The following CDH12 variants were observed in gnomAD, a reference collection of about 807,000 sequenced individuals.
CDH12 encodes the protein cadherin 12, also known as cadherin-12.
In CDH12, 41 loss-of-function variants were observed where a neutral mutation model predicts 74.1. The ratio of observed to expected loss-of-function variants is 0.55; its 90% CI spans 0.43 to 0.72. The LOEUF (loss-of-function observed/expected upper bound fraction) is 0.72, where lower values mean the gene tolerates loss of function less well. Among genes scored for constraint, CDH12 ranks in the 30% least tolerant of loss-of-function variants. The probability of loss-of-function intolerance (pLI) is 0.00; values close to 1 mark genes in which losing one functional copy is unlikely to be tolerated. For synonymous variants in CDH12, 399 were observed against 355.0 expected, an observed-to-expected ratio of 1.12 and a Z score of -1.39; for missense variants, 945 against 977.2, an observed-to-expected ratio of 0.97 and a Z score of 0.44.
At chr5:22,171,241 G>A (rs1440938305) in intron 4 of CDH12, among the ~76,000 whole-genome samples, 3 of 151,704 alleles carry the variant, frequency 2.0e-5, no homozygotes, top group African/African-American at 4.8e-5. Context: ...TATCACTAAC[G>A]CTGAGATAAC....
intron 2 of CDH12, among the ~76,000 whole-genome samples, chr5:22,423,267 G>A (rs1379434047): frequency 6.6e-6 from 1 of 150,648 alleles, no homozygotes; most frequent in Non-Finnish European, 1.5e-5. Flanking sequence ...CTTTTATTTG[G>A]GCCCCCTTAA....
At chr5:22,325,997 T>C (rs919907598) in intron 3 of CDH12, among the ~76,000 whole-genome samples, 33 of 152,250 alleles carry the variant, frequency 2.2e-4, no homozygotes, top group Non-Finnish European at 3.5e-4. Context: ...GAAAAAGTCA[T>C]AGTGCATTTG....
At chr5:22,629,232 C>G (rs912897648) in intron 1 of CDH12, among the ~76,000 whole-genome samples, 6 of 152,124 alleles carry the variant, frequency 3.9e-5, no homozygotes, top group Admixed American at 3.3e-4. Context: ...AGAGGATCTC[C>G]TACCCTAACT....
At chr5:22,370,999 GGA>G (rs1169172585) in intron 3 of CDH12, among the ~76,000 whole-genome samples, 1 of 152,094 alleles carries the variant, frequency 6.6e-6, no homozygotes, top group Non-Finnish European at 1.5e-5. Context: ...CTATAGTAAA[GGA>G]TCTTGAGAAG....
rs71609274 is a variant in CDH12 at position 22,168,134 on chromosome 5, G to A, written c.-187+44364C>T. On this transcript the variant is annotated intron_variant, in intron 4 of 14. Coordinates refer to ENST00000382254, the MANE Select transcript of CDH12 (RefSeq NM_004061.5). ...CTTTGATTCACTGTAGTTCTGTACC[G>A]ATATCATCTTTGTCCTAGCTGAGCA... 9.1e-3 allele frequency among the ~76,000 whole-genome samples: 1,383 copies of A among 152,132 alleles called. 21 individuals carry two copies. Among genetic ancestry groups the A allele is most frequent in the Non-Finnish European group, 0.011 (735 of 67,954 alleles).
At chr5:22,250,403 G>A (rs1053539867) in intron 3 of CDH12, among the ~76,000 whole-genome samples, 8 of 152,098 alleles carry the variant, frequency 5.3e-5, no homozygotes, top group Non-Finnish European at 1.0e-4. Flanking sequence ...GCTGGCGGCT[G>A]GGACCTCAGC....
At chr5:22,349,030 C>T (rs959236179) in intron 3 of CDH12, among the ~76,000 whole-genome samples, 1 of 152,088 alleles carries the variant, frequency 6.6e-6, no homozygotes, top group African/African-American at 2.4e-5. Context: ...GAGTAGAGTC[C>T]TCATGAATGG....
At chr5:22,848,112 A>G (rs1242437913) in intron 1 of CDH12, among the ~76,000 whole-genome samples, 2 of 152,142 alleles carry the variant, frequency 1.3e-5, no homozygotes, top group Non-Finnish European at 2.9e-5. Context: ...ATAAAACAAA[A>G]TACTACAAAT....
intron 5 of CDH12, among the ~76,000 whole-genome samples, chr5:22,000,555 A>G (rs13354104): frequency 0.059 from 8,914 of 152,200 alleles, 702 homozygotes; most frequent in African/African-American, 0.18. Flanking sequence ...GCAATCTGGA[A>G]TCAGTCCATC....
chr5:22,756,924 A>C (rs944378294), intron 1 of CDH12, among the ~76,000 whole-genome samples: 7 of 151,090 alleles, frequency 4.6e-5, no homozygotes, highest in African/African-American at 1.7e-4. Context: ...ACACTACTGC[A>C]CTCCAGTCTA....
intron 3 of CDH12, among the ~76,000 whole-genome samples, chr5:22,399,225 T>TCTAG (rs1742603220): frequency 6.6e-6 from 1 of 151,158 alleles, no homozygotes; most frequent in African/African-American, 2.5e-5. Flanking sequence ...TATCTATCTA[T>TCTAG]CTATCTATCT....
intron 5 of CDH12, among the ~76,000 whole-genome samples, chr5:21,996,920 A>G (rs1032612987): frequency 6.6e-6 from 1 of 152,162 alleles, no homozygotes; most frequent in African/African-American, 2.4e-5. Context: ...GAGTAAAATT[A>G]GTAGATAGAA....
At chr5:22,651,907 C>T in intron 1 of CDH12, among the ~76,000 whole-genome samples, 1 of 151,834 alleles carries the variant, frequency 6.6e-6, no homozygotes, top group East Asian at 1.9e-4. Context: ...GTTCCAAGTT[C>T]TAGGGAATCA....
intron 1 of CDH12, among the ~76,000 whole-genome samples, chr5:22,783,088 G>T (rs75699807): frequency 0.01 from 1,549 of 152,138 alleles, 27 homozygotes; most frequent in African/African-American, 0.036. Context: ...ACAATGCAAA[G>T]AATAAATTTT....
chr5:22,510,177 T>C (rs1377069958), intron 1 of CDH12, among the ~76,000 whole-genome samples: 1 of 152,124 alleles, frequency 6.6e-6, no homozygotes, highest in African/African-American at 2.4e-5. Flanking sequence ...ATGTAAACTA[T>C]AAGAAGAGCA....
intron 6 of CDH12, among the ~76,000 whole-genome samples, chr5:21,915,435 A>G (rs1190377078): frequency 2.6e-5 from 4 of 152,206 alleles, no homozygotes; most frequent in Non-Finnish European, 5.9e-5. Context: ...AAGGAACACA[A>G]TGACCTAACT....
intron 3 of CDH12, among the ~76,000 whole-genome samples, chr5:22,380,309 A>C (rs964377492): frequency 3.9e-5 from 6 of 152,198 alleles, no homozygotes; most frequent in African/African-American, 1.4e-4. Flanking sequence ...TTTCTTCTGA[A>C]AGCCTTCACA....
chr5:22,303,813 C>A (rs1737993113), intron 3 of CDH12, among the ~76,000 whole-genome samples: 1 of 152,048 alleles, frequency 6.6e-6, no homozygotes, highest in Non-Finnish European at 1.5e-5. Flanking sequence ...CAGTAGGCTA[C>A]CCTATCAAAG....
chr5:22,383,095 G>GT (rs112619746), intron 3 of CDH12, among the ~76,000 whole-genome samples: 63,497 of 151,914 alleles, frequency 0.42, 14,590 homozygotes, highest in Non-Finnish European at 0.52. Context: ...GCCTCGCAAA[G>GT]GCTGGGATTA....
Sources: gnomAD v4.1 joint callset for allele counts (sites outside exome capture counted in the v4.1 genomes callset) on GRCh38, gnomAD v4.1.1 for gene constraint, MANE v1.5 for transcripts, NCBI Gene and HGNC (gene_info 2026-07-23, HGNC 2026-07-21) for gene names.